The following PRKAR1A variants were observed in gnomAD, a reference collection of about 807,000 sequenced individuals.
The protein encoded by PRKAR1A is protein kinase cAMP-dependent type I regulatory subunit alpha.
PRKAR1A carries 3 observed loss-of-function variants against 52.0 expected under a neutral mutation model. That is an observed-to-expected ratio of 0.06 (90% confidence interval 0.03 to 0.15). The LOEUF (loss-of-function observed/expected upper bound fraction) is 0.15. PRKAR1A is among the 10% of genes least tolerant of loss of function. The pLI, the probability that PRKAR1A is intolerant of heterozygous loss-of-function variation, is 1.00. For missense variants in PRKAR1A, 240 were observed against 477.4 expected (o/e 0.50, Z 4.63); for synonymous variants, 188 against 168.4 (o/e 1.12, Z -0.90).
chr17:68,426,254 GCTCAAATAA>G, the PRKAR1A span: 1 of 816,922 alleles, frequency 1.2e-6, no homozygotes, highest in Non-Finnish European at 1.9e-6. Context: ...GGGAGCGGGG[GCTCAAATAA>G]AGGGCAAAGG....
Position 68,527,759 on chromosome 17 carries a change from CTTAATA to C in PRKAR1A, c.709-78_709-73del, listed in dbSNP as rs981741893. 3.3e-6 allele frequency: 4 copies of C among 1,215,258 alleles called. No individual in the cohort carries two copies. In the African/African-American group the frequency reaches 4.5e-5, roughly 14 times the overall value. The allele number at this position is 1,215,258 out of a possible 1,614,324, so 75.3% of individuals were successfully genotyped here. On this transcript the variant is annotated intron_variant, in intron 7 of 10. Coordinates refer to ENST00000589228, the MANE Select transcript of PRKAR1A (RefSeq NM_002734.5). ...TTCTGGTTTTAAAATTTATTTGAAA[CTTAATA>C]TTTATTATTCCATAGCATTATGTGG...
chr17:68,430,522 T>C, the PRKAR1A span, among the ~76,000 whole-genome samples: 5 of 152,116 alleles, frequency 3.3e-5, no homozygotes, highest in African/African-American at 1.2e-4. Flanking sequence ...TAAATAAGCT[T>C]GGGACTGTGC....
chr17:68,435,576 A>G, the PRKAR1A span: 1 of 1,590,054 alleles, frequency 6.3e-7, no homozygotes, highest in Non-Finnish European at 8.6e-7. Context: ...GGCAGGAGCC[A>G]TCCAGCGAAA....
At chr17:68,429,809 A>C in the PRKAR1A span, among the ~76,000 whole-genome samples, 1 of 152,084 alleles carries the variant, frequency 6.6e-6, no homozygotes, top group African/African-American at 2.4e-5. Context: ...GGCTGGTCTC[A>C]AACTCCTGAC....
upstream of PRKAR1A, chr17:68,512,425 C>G (rs1488934651): frequency 6.5e-6 from 1 of 153,046 alleles, no homozygotes; most frequent in Non-Finnish European, 1.5e-5. Context: ...CAGGCCGTTT[C>G]CGGTGGAGCT....
At chr17:68,462,940 C>T in the PRKAR1A span, among the ~76,000 whole-genome samples, 1 of 152,156 alleles carries the variant, frequency 6.6e-6, no homozygotes, top group East Asian at 1.9e-4. Context: ...TATTCAAAAA[C>T]GTCCTTTGCT....
downstream of PRKAR1A, chr17:68,536,484 G>T (rs1238173789): frequency 2.2e-6 from 1 of 454,080 alleles, no homozygotes. Context: ...TCTTCTAAGG[G>T]AGGCTTCAAT....
the PRKAR1A span, among the ~76,000 whole-genome samples, chr17:68,474,465 G>T: frequency 1.3e-5 from 2 of 152,182 alleles, no homozygotes; most frequent in African/African-American, 2.4e-5. Context: ...CTTGATCTCC[G>T]GTTGTCTGAT....
At chr17:68,478,357 C>T in the PRKAR1A span, among the ~76,000 whole-genome samples, 1 of 152,126 alleles carries the variant, frequency 6.6e-6, no homozygotes, top group Non-Finnish European at 1.5e-5. Flanking sequence ...GAGGCTCAGA[C>T]AGGGGAATCA....
intron 2 of PRKAR1A, among the ~76,000 whole-genome samples, chr17:68,521,382 A>G (rs2085602663): frequency 6.6e-6 from 1 of 152,182 alleles, no homozygotes; most frequent in African/African-American, 2.4e-5. Context: ...GGTGTGTGCC[A>G]CCACGCCCAA....
In PRKAR1A at chr17:68,530,669, T is replaced by G; in HGVS notation, c.*220T>G. ...TAAATAGAAAGAGTTCTATGGAGAC[T>G]TTGCTGTTACTGCTTCTCTTTGTGC... On this transcript the variant is annotated 3_prime_UTR_variant, in exon 11 of 11. Transcript: ENST00000589228. 1 of 1,442,014 alleles carries G rather than the reference T, an allele frequency of 6.9e-7. No individual in the cohort carries two copies. The highest frequency in any genetic ancestry group is 9.1e-7 in the Non-Finnish European group (1 of 1,098,860). 89.3% of individuals were successfully genotyped at this position (1,442,014 alleles called of 1,614,324 possible).
In PRKAR1A at chr17:68,518,241, C is replaced by T. The variant is rs776141393; in HGVS notation, c.177+2665C>T. On this transcript the variant is annotated intron_variant, in intron 2 of 10. Transcript: ENST00000589228. ...GTCTGGAGGATAGTGGCCCTCTTCT[C>T]GTAGTTCCATTAGGCAGTGCTGCAG... is the stretch of plus-strand genomic sequence containing the variant. 5.8e-4 allele frequency among the ~76,000 whole-genome samples: 88 copies of T among 152,204 alleles called. 1 individual carries two copies. The highest frequency in any genetic ancestry group is 1.6e-4 in the Non-Finnish European group (11 of 68,034).
chr17:68,428,479 C>T, the PRKAR1A span: 3 of 208,190 alleles, frequency 1.4e-5, no homozygotes, highest in African/African-American at 2.3e-5. Context: ...GCCATCCACC[C>T]GCTTCGGCCT....
chr17:68,457,244 G>T, the PRKAR1A span: 25 of 1,418,764 alleles, frequency 1.8e-5, no homozygotes, highest in Admixed American at 2.2e-5. Flanking sequence ...CGCCGAGGCC[G>T]CCTCGAGGCG....
rs768992376 is a variant in PRKAR1A, at chr17:68,531,248, C to T, written c.*799C>T. 90 of 1,066,186 alleles carry T rather than the reference C, an allele frequency of 8.4e-5. No individual in the cohort carries two copies. The highest frequency in any genetic ancestry group is 9.3e-5 in the Non-Finnish European group (82 of 879,622). 66.0% of individuals were successfully genotyped at this position (1,066,186 alleles called of 1,614,324 possible). ...GATTAGACCTTTATCCAGCTAGTGC[C>T]AAATAATTGATCAGATGCTGAATTG... On this transcript the variant is annotated 3_prime_UTR_variant, in exon 11 of 11. Transcript: ENST00000589228.
intron 4 of PRKAR1A, 27 bp downstream of exon 4, chr17:68,523,843 A>G (rs2085695289): frequency 1.7e-5 from 27 of 1,606,056 alleles, no homozygotes; most frequent in East Asian, 6.7e-5. Context: ...TCTTAACACT[A>G]TTTTTCAAGT....
the PRKAR1A span, chr17:68,426,242 T>TGGCGGGGGGGGGGGGG: frequency 1.5e-6 from 1 of 668,992 alleles, no homozygotes; most frequent in Non-Finnish European, 2.2e-6. Flanking sequence ...ACCTGGCGGG[T>TGGCGGGGGGGGGGGGG]GGGGAGCGGG....
At chr17:68,492,531 A>G in the PRKAR1A span, among the ~76,000 whole-genome samples, 1 of 152,172 alleles carries the variant, frequency 6.6e-6, no homozygotes, top group Non-Finnish European at 1.5e-5. Flanking sequence ...AAAACTGTAC[A>G]GGGGTTGAAT....
At chr17:68,488,537 G>C in the PRKAR1A span, among the ~76,000 whole-genome samples, 40 of 152,072 alleles carry the variant, frequency 2.6e-4, 1 homozygote, top group Admixed American at 3.9e-4. Context: ...AGACCAGCCT[G>C]ACCAACATGG....
Sources: allele counts gnomAD v4.1 joint callset (sites outside exome capture counted in the v4.1 genomes callset), GRCh38; gene constraint gnomAD v4.1.1; transcripts MANE v1.5; gene names NCBI Gene and HGNC (gene_info 2026-07-23, HGNC 2026-07-21).